PYGB: variants seen among roughly 807,000 people sequenced by gnomAD.
PYGB encodes glycogen phosphorylase, brain form.
PYGB carries 82 observed loss-of-function variants against 94.3 expected under a neutral mutation model. That is an observed-to-expected ratio of 0.87 (90% CI 0.73 to 1.04). The LOEUF (loss-of-function observed/expected upper bound fraction) is 1.04. Ranked by LOEUF, PYGB falls within the 50% of genes least tolerant of loss-of-function variation. PYGB has a pLI of 0.00. For missense variants in PYGB, 1,132 were observed against 1,158.2 expected (o/e 0.98, Z 0.33); for synonymous variants, 488 against 479.1 (o/e 1.02, Z -0.24).
At chr20:25,264,945 C>T (rs1445995096) in intron 2 of PYGB, among the ~76,000 whole-genome samples, 2 of 152,116 alleles carry the variant, frequency 1.3e-5, no homozygotes, top group Non-Finnish European at 2.9e-5. Flanking sequence ...TCATATGGAA[C>T]CAAAAAAGAG....
At chr20:25,278,564 T>C (rs2261109) in intron 8 of PYGB, 102 bp downstream of exon 8, 669,449 of 1,464,962 alleles carry the variant, frequency 0.46, 158,142 homozygotes, top group East Asian at 0.92. Flanking sequence ...AGTGGAATGG[T>C]ACATGCCCCT....
At chr20:25,254,119 C>G (rs1050018034) in intron 1 of PYGB, among the ~76,000 whole-genome samples, 1 of 151,642 alleles carries the variant, frequency 6.6e-6, no homozygotes, top group Non-Finnish European at 1.5e-5. Flanking sequence ...CCCTTCACCC[C>G]CAAAAACGGC....
At chr20:25,271,027 C>T (rs562475742) in intron 3 of PYGB, among the ~76,000 whole-genome samples, 1 of 152,130 alleles carries the variant, frequency 6.6e-6, no homozygotes, top group Non-Finnish European at 1.5e-5. Flanking sequence ...TCAGAACAGC[C>T]TGGGTTTCAG....
rs73341171 is a variant in PYGB at position 25,265,352 on chromosome 20, G to C, written c.346-3777G>C. On this transcript the variant is annotated intron_variant, in intron 2 of 19. Transcript: ENST00000216962. ...CACCATTTTACATTCCTACCAAAAG[G>C]ACACAAGAGTTCCAGTTTCTCTACA... is the stretch of plus-strand genomic sequence containing the variant. Among the ~76,000 whole-genome samples the C allele has an allele frequency of 6.6e-3, 1,009 of 152,196 alleles. 15 individuals carry two copies. Among genetic ancestry groups the C allele is most frequent in the African/African-American group, 0.023 (967 of 41,514 alleles).
intron 1 of PYGB, among the ~76,000 whole-genome samples, chr20:25,250,513 C>T (rs1227363804): frequency 6.6e-6 from 1 of 152,188 alleles, no homozygotes; most frequent in East Asian, 1.9e-4. Flanking sequence ...TGTGCCTATT[C>T]TGAATAGGAA....
intron 1 of PYGB, among the ~76,000 whole-genome samples, chr20:25,258,693 C>CAGCA (rs1356855985): frequency 2.0e-5 from 3 of 152,252 alleles, no homozygotes; most frequent in East Asian, 3.8e-4. Context: ...GCCAGCCAGC[C>CAGCA]AGCAGGCATC....
chr20:25,289,727 AC>A (rs1425710156), intron 15 of PYGB: 1 of 441,800 alleles, frequency 2.3e-6, no homozygotes. Flanking sequence ...TAAACCTGTC[AC>A]CCAGACTAGC....
Position 25,271,489 on chromosome 20 carries a change from G to C in PYGB, c.528+3G>C. 1 of 1,609,306 alleles carries C rather than the reference G, an allele frequency of 6.2e-7. No homozygotes were observed. The highest frequency in any genetic ancestry group is 8.5e-7 in the Non-Finnish European group (1 of 1,175,564). On this transcript the variant is annotated splice_donor_region_variant and intron_variant, in intron 4 of 19. Transcript: ENST00000216962. ...AGAAGATTGTCAATGGCTGGCAGGT[G>C]GGTGAGATTTCATTTCTTCACTGGT...
At chr20:25,290,732 C>G (rs1228147922) in intron 16 of PYGB, 110 bp downstream of exon 16, 11 of 1,436,296 alleles carry the variant, frequency 7.7e-6, no homozygotes, top group Non-Finnish European at 1.1e-5. Flanking sequence ...CCTGGACACC[C>G]AGACCTAGCC....
chr20:25,292,892 C>T (rs1366684178), intron 17 of PYGB, among the ~76,000 whole-genome samples: 3 of 151,926 alleles, frequency 2.0e-5, no homozygotes, highest in African/African-American at 7.3e-5. Context: ...GGCTCCTCCT[C>T]CAGGAAAGGC....
At chr20:25,266,317 A>G (rs1267916250) in intron 2 of PYGB, among the ~76,000 whole-genome samples, 3 of 152,174 alleles carry the variant, frequency 2.0e-5, no homozygotes, top group South Asian at 2.1e-4. Context: ...CTTTTCAACA[A>G]ATGGTATTGG....
At chr20:25,262,062 A>G (rs2092914783) in intron 2 of PYGB, among the ~76,000 whole-genome samples, 1 of 152,210 alleles carries the variant, frequency 6.6e-6, no homozygotes, top group African/African-American at 2.4e-5. Context: ...TCTTCAGGAT[A>G]TTATCCAGGA....
In PYGB at chr20:25,280,304, C is replaced by A. The variant is rs759921033; in HGVS notation, c.1131C>A (p.Asn377Lys). 4 of 1,614,168 alleles carry A rather than the reference C, an allele frequency of 2.5e-6. No individual in the cohort carries two copies. In the South Asian group the frequency reaches 4.4e-5, roughly 18 times the overall value. ...CGAAGAAGACCTGTGCATACACCAA[C>A]CACACTGTGCTGCCTGAGGCCTTGG... ...EITKKTCAYT[N>K]HTVLPEALER... The change falls in exon 10 of 20, where the codon AAC becomes AAA. Residue 377 changes from asparagine (N) to lysine (K), a missense_variant. Physicochemically the swap from Asn to Lys is moderately conservative, Grantham distance 94. Transcript: ENST00000216962.
chr20:25,270,206 G>GTTTTTTTT (rs1166786019), intron 3 of PYGB, among the ~76,000 whole-genome samples: 1 of 111,924 alleles, frequency 8.9e-6, no homozygotes. Flanking sequence ...GTTTTGTTTT[G>GTTTTTTTT]TTTTTTTTTT....
chr20:25,296,622 C>T lies in PYGB; in HGVS notation c.*100C>T. ...CTTTGCCAGCCACTGGTGGTCCCTG[C>T]TTTTCTGAGTACCATGTTTCCAGGA... On this transcript the variant is annotated 3_prime_UTR_variant, in exon 20 of 20. Coordinates refer to ENST00000216962, the MANE Select transcript of PYGB (RefSeq NM_002862.4). 1 of 1,433,654 alleles carries T rather than the reference C, an allele frequency of 7.0e-7. No homozygotes were observed. The highest frequency in any genetic ancestry group is 9.4e-7 in the Non-Finnish European group (1 of 1,066,632). 88.8% of individuals were successfully genotyped at this position (1,433,654 alleles called of 1,614,324 possible).
Position 25,292,478 on chromosome 20 carries a change from A to G in PYGB, c.2042A>G (p.Lys681Arg). The change falls in exon 17 of 20, where the codon AAG becomes AGG. Residue 681 changes from lysine to arginine, a missense_variant. Physicochemically the swap from Lys to Arg is conservative, Grantham distance 26. Transcript: ENST00000216962. ...GTEASGTGNM[K>R]FMLNGALTIG... Reference sequence around the variant, plus strand: ...GAGGCCTCAGGCACAGGCAACATGAAGTTCATGCTCAACGGGGCCCTCACC... The same window carrying G: ...GAGGCCTCAGGCACAGGCAACATGAGGTTCATGCTCAACGGGGCCCTCACC... The G allele has an allele frequency of 6.2e-7, 1 of 1,613,672 alleles. No homozygotes were observed. The highest frequency in any genetic ancestry group is 8.5e-7 in the Non-Finnish European group (1 of 1,180,018).
chr20:25,288,750 GGGCAGTGTCCTTTCTCTTT>G (rs2088440601), intron 15 of PYGB, among the ~76,000 whole-genome samples: 1 of 152,184 alleles, frequency 6.6e-6, no homozygotes, highest in African/African-American at 2.4e-5. Context: ...ACCTCAGAGA[GGGCAGTGTCCTTTCTCTTT>G]GTGCCCAGTG....
At chr20:25,293,791 C>T (rs1039571715) in intron 17 of PYGB, 9 of 306,034 alleles carry the variant, frequency 2.9e-5, no homozygotes, top group Admixed American at 5.0e-5. Context: ...CCTGCCCCTC[C>T]GGCCGTCTGT....
chr20:25,278,172 G>A, intron 7 of PYGB, 147 bp from the exon 8 acceptor site: 1 of 873,898 alleles, frequency 1.1e-6, no homozygotes, highest in Non-Finnish European at 1.7e-6. Flanking sequence ...TGACCTGAGG[G>A]CACACAGGCA....
Sources: gnomAD v4.1 joint callset for allele counts (sites outside exome capture counted in the v4.1 genomes callset) on GRCh38, gnomAD v4.1.1 for gene constraint, MANE v1.5 for transcripts, NCBI Gene and HGNC (gene_info 2026-07-23, HGNC 2026-07-21) for gene names.